Variants in SLC25A21 observed in about 807,000 individuals in gnomAD.
SLC25A21 encodes the protein mitochondrial 2-oxodicarboxylate carrier.
Under a neutral mutation model 43.8 loss-of-function variants are expected in SLC25A21, and 47 were observed. The observed-to-expected ratio is 1.07, with a 90% confidence interval of 0.85 to 1.37. The LOEUF is 1.37. Ranked by LOEUF, SLC25A21 falls within the 40% of genes most tolerant of loss-of-function variation. The pLI, the probability that SLC25A21 is intolerant of heterozygous loss-of-function variation, is 0.00. For synonymous variants in SLC25A21, 131 were observed against 121.3 expected, an observed-to-expected ratio of 1.08 and a Z score of -0.52; for missense variants, 352 against 350.2, an observed-to-expected ratio of 1.00 and a Z score of -0.04.
At chr14:36,764,273 T>C (rs2139286136) in intron 3 of SLC25A21, among the ~76,000 whole-genome samples, 1 of 151,214 alleles carries the variant, frequency 6.6e-6, no homozygotes. Context: ...CTCGGTCCAA[T>C]AACAATGCCA....
intron 1 of SLC25A21, among the ~76,000 whole-genome samples, chr14:37,020,636 T>C (rs1273965354): frequency 6.6e-6 from 1 of 151,932 alleles, no homozygotes; most frequent in East Asian, 1.9e-4. Flanking sequence ...ATGTTCTAAA[T>C]ATATACAAAG....
chr14:36,900,526 C>T (rs957020421), intron 1 of SLC25A21, among the ~76,000 whole-genome samples: 4 of 152,196 alleles, frequency 2.6e-5, no homozygotes, highest in Non-Finnish European at 5.9e-5. Context: ...TTCCACACTA[C>T]TAACAACCCA....
At chr14:36,986,539 A>G (rs980411144) in intron 1 of SLC25A21, among the ~76,000 whole-genome samples, 1 of 152,062 alleles carries the variant, frequency 6.6e-6, no homozygotes, top group African/African-American at 2.4e-5. Context: ...ATTTCCTTCT[A>G]CCCAGAGCCT....
intron 1 of SLC25A21, among the ~76,000 whole-genome samples, chr14:37,045,825 T>C (rs997554520): frequency 6.6e-6 from 1 of 152,214 alleles, no homozygotes; most frequent in Non-Finnish European, 1.5e-5. Flanking sequence ...ATCCATGAAA[T>C]GATCTTTTCC....
chr14:36,685,677 A>G (rs369233894), intron 7 of SLC25A21, among the ~76,000 whole-genome samples: 6 of 152,264 alleles, frequency 3.9e-5, no homozygotes, highest in Admixed American at 1.3e-4. Context: ...TTTCTGTTAG[A>G]ATTTAGGCCC....
At chr14:36,784,762 A>G (rs1887188574) in intron 3 of SLC25A21, among the ~76,000 whole-genome samples, 1 of 152,174 alleles carries the variant, frequency 6.6e-6, no homozygotes, top group Admixed American at 6.5e-5. Context: ...GAATGGAAAC[A>G]CTGTGTGAGT....
chr14:37,021,025 G>C (rs1256886140), intron 1 of SLC25A21, among the ~76,000 whole-genome samples: 1 of 151,916 alleles, frequency 6.6e-6, no homozygotes, highest in East Asian at 1.9e-4. Flanking sequence ...TTTCTCTGTT[G>C]GCTAGTCTCA....
chr14:36,734,993 A>T (rs1245947158), intron 3 of SLC25A21, among the ~76,000 whole-genome samples: 1 of 152,152 alleles, frequency 6.6e-6, no homozygotes, highest in Non-Finnish European at 1.5e-5. Context: ...GAGGCTAAGG[A>T]GGTGATGAAA....
At chr14:37,032,961 TA>T (rs1383343414) in intron 1 of SLC25A21, among the ~76,000 whole-genome samples, 1 of 152,110 alleles carries the variant, frequency 6.6e-6, no homozygotes, top group East Asian at 1.9e-4. Context: ...TCCATCTTTT[TA>T]AAAAAATTGT....
intron 1 of SLC25A21, among the ~76,000 whole-genome samples, chr14:37,104,329 G>A (rs1258764261): frequency 6.6e-6 from 1 of 152,138 alleles, no homozygotes; most frequent in Admixed American, 6.6e-5. Flanking sequence ...GAACCTGCTG[G>A]CACCTTGATC....
rs1472522502 is a variant in SLC25A21, at chr14:36,678,499, G to A, written c.*2159C>T. 42 of 1,536,940 alleles carry A rather than the reference G, an allele frequency of 2.7e-5. No homozygotes were observed. The highest frequency in any genetic ancestry group is 3.7e-5 in the Non-Finnish European group (42 of 1,146,720). On this transcript the variant is annotated 3_prime_UTR_variant, in exon 10 of 10. Transcript: ENST00000331299. Reference sequence around the variant, plus strand: ...GAGTTCCCAGTCTGGTGAGAAAATAGACTATAAACTGAATGGAACAAAGAT... The same window carrying A: ...GAGTTCCCAGTCTGGTGAGAAAATAAACTATAAACTGAATGGAACAAAGAT...
chr14:37,054,014 T>C (rs1358163786), intron 1 of SLC25A21, among the ~76,000 whole-genome samples: 1 of 152,220 alleles, frequency 6.6e-6, no homozygotes, highest in African/African-American at 2.4e-5. Flanking sequence ...TAAAATGTAT[T>C]TCCCTTCTGC....
intron 2 of SLC25A21, among the ~76,000 whole-genome samples, chr14:36,827,704 T>A (rs1397350960): frequency 1.3e-5 from 2 of 152,212 alleles, no homozygotes; most frequent in African/African-American, 2.4e-5. Context: ...TGTGTCAGGT[T>A]AGGTTTCAGT....
At chr14:36,927,319 C>A (rs1892159164) in intron 1 of SLC25A21, among the ~76,000 whole-genome samples, 1 of 152,112 alleles carries the variant, frequency 6.6e-6, no homozygotes. Context: ...ATTCATAAAA[C>A]CGTATTTTAG....
chr14:36,797,712 A>G (rs1331070886), intron 3 of SLC25A21, among the ~76,000 whole-genome samples: 2 of 152,204 alleles, frequency 1.3e-5, no homozygotes, highest in Admixed American at 1.3e-4. Context: ...GAGTAGTGGG[A>G]CAAATTAAGG....
intron 2 of SLC25A21, among the ~76,000 whole-genome samples, chr14:36,869,606 C>A (rs2138546440): frequency 6.6e-6 from 1 of 152,266 alleles, no homozygotes; most frequent in South Asian, 2.1e-4. Context: ...TATATGTTTT[C>A]TCTCCCACCT....
intron 1 of SLC25A21, among the ~76,000 whole-genome samples, chr14:36,963,684 C>G (rs1959549410): frequency 6.6e-6 from 1 of 152,198 alleles, no homozygotes; most frequent in African/African-American, 2.4e-5. Flanking sequence ...AGAAGTGCAT[C>G]TATCCTTACT....
intron 3 of SLC25A21, among the ~76,000 whole-genome samples, chr14:36,773,060 T>C (rs1204807626): frequency 6.6e-6 from 1 of 152,222 alleles, no homozygotes; most frequent in African/African-American, 2.4e-5. Context: ...TCTCTTTTTC[T>C]GCTGCAGTAC....
intron 3 of SLC25A21, among the ~76,000 whole-genome samples, chr14:36,765,709 T>C (rs1394201970): frequency 6.6e-6 from 1 of 152,194 alleles, no homozygotes; most frequent in East Asian, 1.9e-4. Context: ...ACCCTCAACG[T>C]GTATGTTTCA....
Sources: gnomAD v4.1 joint callset for allele counts (sites outside exome capture counted in the v4.1 genomes callset) on GRCh38, gnomAD v4.1.1 for gene constraint, MANE v1.5 for transcripts, NCBI Gene and HGNC (gene_info 2026-07-23, HGNC 2026-07-21) for gene names.